The following GHR variants were observed in gnomAD, a reference collection of about 807,000 sequenced individuals.
GHR encodes the protein growth hormone receptor, also known as GH receptor.
GHR carries 35 observed loss-of-function variants against 67.1 expected under a neutral mutation model. The ratio of observed to expected loss-of-function variants is 0.52; its 90% CI spans 0.40 to 0.69. The LOEUF (loss-of-function observed/expected upper bound fraction) is 0.69. Ranked by LOEUF, GHR falls within the 30% of genes least tolerant of loss-of-function variation. The probability of loss-of-function intolerance (pLI) is 0.00; values close to 1 mark genes in which losing one functional copy is unlikely to be tolerated. For synonymous variants in GHR, 272 were observed against 269.1 expected (o/e 1.01, Z -0.10); for missense variants, 792 against 764.6 (o/e 1.04, Z -0.42).
Position 42,692,181 on chromosome 5 carries a change from G to A in GHR, c.267-2736G>A, listed in dbSNP as rs575495857. 1.7e-4 allele frequency among the ~76,000 whole-genome samples: 26 copies of A among 152,110 alleles called. 1 individual carries two copies. In the South Asian group the frequency reaches 4.6e-3, roughly 27 times the overall value. On this transcript the variant is annotated intron_variant, in intron 4 of 9. Transcript: ENST00000230882. ...AAGTATTAAATTTAAAGCCAAAAAC[G>A]TGCGCTTTCTGTCATGAAAACAGCT...
chr5:42,681,350 T>C (rs1756859029), intron 3 of GHR, among the ~76,000 whole-genome samples: 1 of 150,870 alleles, frequency 6.6e-6, no homozygotes, highest in Non-Finnish European at 1.5e-5. Flanking sequence ...AACAGACACA[T>C]GAAAAAATGC....
rs918354430 is a variant in GHR, at chr5:42,424,427, G to A, written c.-12+472G>A. The stretch of plus-strand genomic sequence containing the variant: ...CTGCCGAGGCTGCTGCTGTTGCGCG[G>A]GGAAGAATCCCCGGCAGCGCGACTG... On this transcript the variant is annotated intron_variant, in intron 1 of 9. Transcript: ENST00000230882. This position sits in a 1 kb window ranked among gnomAD's most constrained non-coding sequence, Gnocchi z 4.1. The A allele has an allele frequency of 2.7e-5, 17 of 625,182 alleles. No individual in the cohort carries two copies. In the African/African-American group the frequency reaches 3.1e-4, roughly 11 times the overall value. 38.7% of individuals were successfully genotyped at this position (625,182 alleles called of 1,614,324 possible).
chr5:42,690,812 G>T (rs1430647652), intron 4 of GHR, among the ~76,000 whole-genome samples: 1 of 152,054 alleles, frequency 6.6e-6, no homozygotes, highest in East Asian at 1.9e-4. Context: ...AAACAGAGTT[G>T]ATTTCTATAA....
intron 6 of GHR, among the ~76,000 whole-genome samples, chr5:42,704,600 C>A (rs1375140924): frequency 6.6e-6 from 1 of 151,988 alleles, no homozygotes; most frequent in Admixed American, 6.6e-5. Flanking sequence ...TTTTCTTCCA[C>A]TTTTTGGAAA....
chr5:42,570,152 G>C (rs971477588), intron 2 of GHR, among the ~76,000 whole-genome samples: 2 of 152,174 alleles, frequency 1.3e-5, no homozygotes, highest in African/African-American at 4.8e-5. Context: ...GTTTCAGTTA[G>C]TAAACAGTAA....
intron 1 of GHR, among the ~76,000 whole-genome samples, chr5:42,534,166 ATATGTATATATG>A (rs1312113805): frequency 4.2e-5 from 4 of 96,364 alleles, no homozygotes; most frequent in Non-Finnish European, 6.8e-5. Context: ...ATATATGTAC[ATATGTATATATG>A]TATGTATATA....
chr5:42,464,055 CAAA>C (rs71608649), intron 1 of GHR, among the ~76,000 whole-genome samples: 1 of 123,866 alleles, frequency 8.1e-6, no homozygotes. Context: ...TTGATATTAC[CAAA>C]AAAAAAAAAA....
chr5:42,474,996 G>A (rs1297552639), intron 1 of GHR, among the ~76,000 whole-genome samples: 1 of 148,424 alleles, frequency 6.7e-6, no homozygotes, highest in Non-Finnish European at 1.5e-5. Flanking sequence ...TGATTCTCCT[G>A]CCTCAGCCTC....
chr5:42,567,064 T>C (rs1749984046), intron 2 of GHR, among the ~76,000 whole-genome samples: 1 of 152,216 alleles, frequency 6.6e-6, no homozygotes. Context: ...AAGTCAAACA[T>C]GGAGAGAATT....
chr5:42,496,622 G>T (rs78390536), intron 1 of GHR, among the ~76,000 whole-genome samples: 2,881 of 152,230 alleles, frequency 0.019, 155 homozygotes, highest in East Asian at 0.13. Context: ...ACTTGTTATA[G>T]CTGTTAAAGG....
chr5:42,553,934 C>T (rs1749170126), intron 1 of GHR, among the ~76,000 whole-genome samples: 2 of 152,064 alleles, frequency 1.3e-5, no homozygotes, highest in South Asian at 4.1e-4. Flanking sequence ...TGCAAAAAAG[C>T]ACATTAATTG....
At chr5:42,677,079 T>TA (rs905713525) in intron 3 of GHR, among the ~76,000 whole-genome samples, 69 of 149,554 alleles carry the variant, frequency 4.6e-4, no homozygotes, top group South Asian at 6.4e-4. Flanking sequence ...AAAGTAAAAT[T>TA]AAAAAAAAAA....
At chr5:42,663,034 G>A (rs1252900607) in intron 3 of GHR, among the ~76,000 whole-genome samples, 1 of 152,000 alleles carries the variant, frequency 6.6e-6, no homozygotes, top group Non-Finnish European at 1.5e-5. Context: ...ACCCTCCCAA[G>A]ACTAAACCAG....
intron 2 of GHR, among the ~76,000 whole-genome samples, chr5:42,621,778 T>C (rs1238367714): frequency 2.0e-5 from 3 of 152,218 alleles, no homozygotes; most frequent in Non-Finnish European, 4.4e-5. Context: ...GTTCCTGTTT[T>C]ATTTGTTTAA....
intron 1 of GHR, among the ~76,000 whole-genome samples, chr5:42,555,193 C>A (rs142547112): frequency 2.2e-4 from 33 of 152,316 alleles, no homozygotes; most frequent in Middle Eastern, 3.4e-3. Flanking sequence ...GAGCACACTG[C>A]ATAGCTCTTG....
chr5:42,452,529 C>T (rs1364605448), intron 1 of GHR, among the ~76,000 whole-genome samples: 1 of 152,076 alleles, frequency 6.6e-6, no homozygotes, highest in Non-Finnish European at 1.5e-5. Context: ...CTCAGGAACA[C>T]CATTTATTCT....
Position 42,454,106 on chromosome 5 carries a change from G to A in GHR, c.-12+30151G>A, listed in dbSNP as rs1425451660. Reference sequence around the variant, plus strand: ...ACCCAATGGAGTTACCAGGCTCTGGGCTGGTGCTGGCGAATGTCTGCAAAG... The same window carrying A: ...ACCCAATGGAGTTACCAGGCTCTGGACTGGTGCTGGCGAATGTCTGCAAAG... On this transcript the variant is annotated intron_variant, in intron 1 of 9. Coordinates refer to ENST00000230882, the MANE Select transcript of GHR (RefSeq NM_000163.5). Among the ~76,000 whole-genome samples the A allele has an allele frequency of 3.9e-4, 60 of 152,188 alleles. 2 individuals are homozygous for A. Among genetic ancestry groups the A allele is most frequent in the Admixed American group, 3.9e-3 (60 of 15,286 alleles).
intron 2 of GHR, among the ~76,000 whole-genome samples, chr5:42,613,891 T>A (rs903195211): frequency 6.6e-6 from 1 of 152,084 alleles, no homozygotes; most frequent in African/African-American, 2.4e-5. Flanking sequence ...CATTGCTAAG[T>A]CTAAATGATT....
At chr5:42,544,250 T>C (rs988050490) in intron 1 of GHR, among the ~76,000 whole-genome samples, 1 of 152,132 alleles carries the variant, frequency 6.6e-6, no homozygotes, top group African/African-American at 2.4e-5. Context: ...TGAGAAGACA[T>C]ACTTAGATAA....
Sources: gnomAD v4.1 joint callset for allele counts (sites outside exome capture counted in the v4.1 genomes callset) on GRCh38, gnomAD v4.1.1 for gene constraint, Gnocchi (gnomAD v3.1) non-coding constraint, MANE v1.5 for transcripts, NCBI Gene and HGNC (gene_info 2026-07-23, HGNC 2026-07-21) for gene names.